Variants in MAN1A2 observed in about 807,000 individuals in gnomAD.
MAN1A2 encodes the protein mannosyl-oligosaccharide 1,2-alpha-mannosidase IB.
In MAN1A2, 26 loss-of-function variants were observed where a neutral mutation model predicts 75.7. The observed-to-expected ratio is 0.34, with a 90% CI of 0.25 to 0.48. The LOEUF is 0.48. MAN1A2 is among the 20% of genes least tolerant of loss of function. MAN1A2 has a pLI of 0.99. For synonymous variants in MAN1A2, 247 were observed against 264.6 expected, an observed-to-expected ratio of 0.93 and a Z score of 0.65; for missense variants, 562 against 775.5, an observed-to-expected ratio of 0.72 and a Z score of 3.27.
intron 6 of MAN1A2, among the ~76,000 whole-genome samples, chr1:117,452,604 C>G (rs1649457954): frequency 6.6e-6 from 1 of 152,202 alleles, no homozygotes; most frequent in Non-Finnish European, 1.5e-5. Context: ...GAGCAAGGCC[C>G]TAACTCTCTT....
chr1:117,376,939 G>C (rs1251712764), intron 1 of MAN1A2, among the ~76,000 whole-genome samples: 1 of 152,174 alleles, frequency 6.6e-6, no homozygotes, highest in East Asian at 1.9e-4. Flanking sequence ...GGTTGTACAT[G>C]GGTTATATGC....
intron 12 of MAN1A2, among the ~76,000 whole-genome samples, chr1:117,516,743 G>C (rs928543668): frequency 6.6e-6 from 1 of 152,128 alleles, no homozygotes; most frequent in Non-Finnish European, 1.5e-5. Flanking sequence ...ATGATACAGG[G>C]AGGGGACTTG....
chr1:117,477,396 CT>C (rs1393288849), intron 8 of MAN1A2, among the ~76,000 whole-genome samples: 1 of 151,998 alleles, frequency 6.6e-6, no homozygotes, highest in Non-Finnish European at 1.5e-5. Context: ...CAATAAAATA[CT>C]GGCAAACCGA....
chr1:117,436,295 C>G (rs1259625499), intron 5 of MAN1A2, among the ~76,000 whole-genome samples: 1 of 152,016 alleles, frequency 6.6e-6, no homozygotes, highest in East Asian at 1.9e-4. Context: ...ACTTAGAAAC[C>G]TTAAGAGGAA....
chr1:117,494,815 G>C (rs2101875057), intron 9 of MAN1A2: 1 of 152,014 alleles, frequency 6.6e-6, no homozygotes, highest in Non-Finnish European at 1.5e-5. Context: ...ATAGCTCTTA[G>C]TAATTCCCAC....
At chr1:117,483,608 G>A (rs143787142) in intron 8 of MAN1A2, among the ~76,000 whole-genome samples, 21,527 of 152,118 alleles carry the variant, frequency 0.14, 1,745 homozygotes, top group South Asian at 0.22. Context: ...AGACTTTGCT[G>A]AAGTTGCTTA....
chr1:117,454,712 T>A (rs1479833653), intron 6 of MAN1A2, among the ~76,000 whole-genome samples: 2 of 152,196 alleles, frequency 1.3e-5, no homozygotes, highest in East Asian at 1.9e-4. Flanking sequence ...ATAAAAGGCT[T>A]ATTTTTTCTG....
intron 8 of MAN1A2, among the ~76,000 whole-genome samples, chr1:117,472,517 C>G (rs2101849308): frequency 6.6e-6 from 1 of 152,110 alleles, no homozygotes; most frequent in East Asian, 1.9e-4. Context: ...GGAGAACTTA[C>G]ATTCTGCTGG....
In MAN1A2 at chr1:117,502,927, CATG is replaced by C; in HGVS notation, c.1757_1759del (p.Asp586del). 2 of 1,607,040 alleles carry C rather than the reference CATG, an allele frequency of 1.2e-6. No individual in the cohort carries two copies. Among genetic ancestry groups the C allele is most frequent in the East Asian group, 2.2e-5 (1 of 44,512 alleles). On this transcript the variant is annotated inframe_deletion, in exon 12 of 13. Transcript: ENST00000356554. ...AGATGTATATTCCTCTACTCCTACA[CATG>C]ATGATGTACAGCAGAGCTTTTTTCT...
At chr1:117,400,798 G>C (rs1647399024) in intron 1 of MAN1A2, among the ~76,000 whole-genome samples, 1 of 151,714 alleles carries the variant, frequency 6.6e-6, no homozygotes, top group South Asian at 2.1e-4. Context: ...GCCTATTATG[G>C]GCTATAAACA....
chr1:117,513,192 G>A (rs116387065), intron 12 of MAN1A2, among the ~76,000 whole-genome samples: 17 of 152,198 alleles, frequency 1.1e-4, no homozygotes, highest in African/African-American at 3.4e-4. Context: ...GAATCATGCA[G>A]TATTAGGGAG....
Position 117,422,601 on chromosome 1 carries a change from A to G in MAN1A2, c.855+1952A>G, listed in dbSNP as rs191200851. 2.6e-3 allele frequency among the ~76,000 whole-genome samples: 396 copies of G among 152,060 alleles called. 2 individuals are homozygous for G. The highest frequency in any genetic ancestry group is 8.8e-3 in the African/African-American group (364 of 41,508). Reference sequence around the variant, plus strand: ...ACTTTGTATTGTGAGTCTCTTTATTATTGTTAGCCATTCTAATAGATACAT... The same window carrying G: ...ACTTTGTATTGTGAGTCTCTTTATTGTTGTTAGCCATTCTAATAGATACAT... On this transcript the variant is annotated intron_variant, in intron 5 of 12. Transcript: ENST00000356554.
intron 5 of MAN1A2, among the ~76,000 whole-genome samples, chr1:117,435,884 C>G (rs1648830897): frequency 2.0e-5 from 3 of 151,976 alleles, no homozygotes. Context: ...ATGGTGAAAC[C>G]CTCTCTCTAC....
chr1:117,390,350 T>C (rs1309842292), intron 1 of MAN1A2, among the ~76,000 whole-genome samples: 5 of 151,952 alleles, frequency 3.3e-5, no homozygotes, highest in Admixed American at 3.3e-4. Context: ...CTGAGTTCAC[T>C]TGAGTAGTTT....
chr1:117,453,043 AG>A (rs1158832683), intron 6 of MAN1A2, among the ~76,000 whole-genome samples: 1 of 152,224 alleles, frequency 6.6e-6, no homozygotes, highest in Non-Finnish European at 1.5e-5. Context: ...GGAACAACAA[AG>A]TTCAGATGAG....
chr1:117,377,355 T>C (rs557652758), intron 1 of MAN1A2, among the ~76,000 whole-genome samples: 1 of 152,366 alleles, frequency 6.6e-6, no homozygotes, highest in Non-Finnish European at 1.5e-5. Context: ...CTGGCTCTTC[T>C]TCAGTGCCGT....
chr1:117,465,990 A>G (rs1451037337), intron 7 of MAN1A2, among the ~76,000 whole-genome samples: 1 of 152,158 alleles, frequency 6.6e-6, no homozygotes, highest in South Asian at 2.1e-4. Flanking sequence ...TTGAATATAT[A>G]TGTGTTGACT....
chr1:117,381,348 A>C (rs1239653297), intron 1 of MAN1A2, among the ~76,000 whole-genome samples: 1 of 151,716 alleles, frequency 6.6e-6, no homozygotes. Flanking sequence ...CCCCAACCCC[A>C]CAACAGTCCC....
chr1:117,511,351 G>C (rs1208963687), intron 12 of MAN1A2, among the ~76,000 whole-genome samples: 4 of 151,972 alleles, frequency 2.6e-5, no homozygotes, highest in African/African-American at 9.7e-5. Context: ...TGGTGTTCTT[G>C]TTTGGTAGAG....
Sources: gnomAD v4.1 joint callset for allele counts (sites outside exome capture counted in the v4.1 genomes callset) on GRCh38, gnomAD v4.1.1 for gene constraint, MANE v1.5 for transcripts, NCBI Gene and HGNC (gene_info 2026-07-23, HGNC 2026-07-21) for gene names.